The following MUSK variants were observed in gnomAD, a reference collection of about 807,000 sequenced individuals.
The protein encoded by MUSK is muscle associated receptor tyrosine kinase.
MUSK carries 55 observed loss-of-function variants against 88.7 expected under a neutral mutation model. That is an observed-to-expected ratio of 0.62 (90% CI 0.50 to 0.78). The LOEUF (loss-of-function observed/expected upper bound fraction) is 0.78, where lower values mean the gene tolerates loss of function less well. Ranked by LOEUF, MUSK falls within the 30% of genes least tolerant of loss-of-function variation. The probability of loss-of-function intolerance (pLI) is 0.00; values close to 1 mark genes in which losing one functional copy is unlikely to be tolerated. For synonymous variants in MUSK, 387 were observed against 391.9 expected (o/e 0.99, Z 0.15); for missense variants, 1,015 against 1,074.3 (o/e 0.94, Z 0.77).
chr9:110,724,582 A>T (rs569440557), intron 5 of MUSK, among the ~76,000 whole-genome samples: 1 of 152,018 alleles, frequency 6.6e-6, no homozygotes, highest in African/African-American at 2.4e-5. Flanking sequence ...CATATAGTAC[A>T]CTTCTAGAGA....
intron 11 of MUSK, among the ~76,000 whole-genome samples, chr9:110,781,350 C>T (rs1014314810): frequency 1.3e-5 from 2 of 152,126 alleles, no homozygotes; most frequent in African/African-American, 2.4e-5. Context: ...AATCTTGGTT[C>T]ACTGCAAGCT....
At chr9:110,686,004 C>T (rs2076191164) in intron 2 of MUSK, among the ~76,000 whole-genome samples, 1 of 152,128 alleles carries the variant, frequency 6.6e-6, no homozygotes, top group East Asian at 1.9e-4. Flanking sequence ...TTACCACAAA[C>T]TTAGTGGCCT....
chr9:110,755,222 C>G (rs180893396), intron 7 of MUSK, among the ~76,000 whole-genome samples: 2 of 152,286 alleles, frequency 1.3e-5, no homozygotes, highest in Admixed American at 6.5e-5. Context: ...CAGCTTTTCT[C>G]ACTGCTAAAA....
rs575100726 is a variant in MUSK at position 110,787,568 on chromosome 9, C to G, written c.1779-122C>G. ...TTTGATTCTGTGGCTCTGGGAAAGG[C>G]TGCGTGAGACTTAACCAGCCTTTTA... On this transcript the variant is annotated intron_variant, in intron 13 of 14. Coordinates refer to ENST00000374448, the MANE Select transcript of MUSK (RefSeq NM_005592.4). The G allele has an allele frequency of 5.7e-6, 5 of 871,820 alleles. No homozygotes were observed. The African/African-American group carries it at 6.8e-5, about 12-fold the overall frequency. The allele number at this position is 871,820 out of a possible 1,614,324, so 54.0% of individuals were successfully genotyped here. A position where few individuals can be genotyped will look rare whatever the true frequency, so the allele number is the denominator to read the frequency against.
chr9:110,675,936 C>T (rs916376930), intron 1 of MUSK, among the ~76,000 whole-genome samples: 10 of 152,080 alleles, frequency 6.6e-5, no homozygotes, highest in South Asian at 2.1e-4. Context: ...CCACACTCCA[C>T]AAGCTTAATA....
intron 9 of MUSK, among the ~76,000 whole-genome samples, chr9:110,768,452 C>T (rs1055719777): frequency 6.6e-6 from 1 of 152,200 alleles, no homozygotes; most frequent in African/African-American, 2.4e-5. Flanking sequence ...GCCGAGATTG[C>T]ACCACTGCAC....
intron 7 of MUSK, among the ~76,000 whole-genome samples, chr9:110,759,504 A>G (rs762776138): frequency 3.9e-5 from 6 of 152,248 alleles, no homozygotes; most frequent in Non-Finnish European, 7.3e-5. Context: ...GCTTCTACAT[A>G]GCAAAAGAAA....
intron 5 of MUSK, chr9:110,728,427 G>T (rs952460208): frequency 2.2e-6 from 1 of 455,266 alleles, no homozygotes; most frequent in African/African-American, 2.0e-5. Context: ...TGTTAGGTAT[G>T]CTGTAGTTTA....
At chr9:110,749,673 T>C (rs1394735820) in intron 7 of MUSK, among the ~76,000 whole-genome samples, 1 of 152,164 alleles carries the variant, frequency 6.6e-6, no homozygotes, top group African/African-American at 2.4e-5. Context: ...AGGAGGCTCT[T>C]CCAGGTGTCT....
chr9:110,797,186 A>G (rs962059250), intron 14 of MUSK, among the ~76,000 whole-genome samples: 1 of 142,280 alleles, frequency 7.0e-6, no homozygotes, highest in East Asian at 2.0e-4. Context: ...AAAAAAAAAA[A>G]AAGAAGGCAT....
At chr9:110,732,649 T>C (rs1411609725) in intron 5 of MUSK, among the ~76,000 whole-genome samples, 1 of 152,094 alleles carries the variant, frequency 6.6e-6, no homozygotes, top group Non-Finnish European at 1.5e-5. Flanking sequence ...GATTGTTAAT[T>C]GGACCCCAGG....
At chr9:110,787,605 T>G in intron 13 of MUSK, 85 bp from the exon 14 acceptor site, 1 of 1,350,926 alleles carries the variant, frequency 7.4e-7, no homozygotes, top group Non-Finnish European at 1.0e-6. Flanking sequence ...ACAGGGGAGG[T>G]GGGAGGATAT....
intron 6 of MUSK, among the ~76,000 whole-genome samples, chr9:110,744,586 A>C (rs2077150212): frequency 6.6e-6 from 1 of 152,176 alleles, no homozygotes; most frequent in Non-Finnish European, 1.5e-5. Context: ...TTAGAAAAAA[A>C]AGTTTTATTG....
At chr9:110,699,488 A>G (rs549873108) in intron 5 of MUSK, among the ~76,000 whole-genome samples, 32 of 152,338 alleles carry the variant, frequency 2.1e-4, no homozygotes, top group African/African-American at 7.7e-4. Flanking sequence ...TAAAATTGTA[A>G]CAAATTTGCT....
intron 14 of MUSK, among the ~76,000 whole-genome samples, chr9:110,790,073 G>C (rs546703818): frequency 4.5e-4 from 68 of 152,260 alleles, no homozygotes; most frequent in African/African-American, 1.6e-3. Context: ...AACTAAAAAC[G>C]AGCAACCAAT....
Position 110,755,949 on chromosome 9 carries a change from T to C in MUSK, c.914-6253T>C, listed in dbSNP as rs1333718589. On this transcript the variant is annotated intron_variant, in intron 7 of 14. Coordinates refer to ENST00000374448, the MANE Select transcript of MUSK (RefSeq NM_005592.4). Reference sequence around the variant, plus strand: ...ATATATATACATATATATATATATATACACATATATATATACATATATATA... The same window carrying C: ...ATATATATACATATATATATATATACACACATATATATATACATATATATA... 5.2e-4 allele frequency among the ~76,000 whole-genome samples: 27 copies of C among 52,088 alleles called. 1 individual carries two copies. Among genetic ancestry groups the C allele is most frequent in the East Asian group, 4.2e-3 (3 of 706 alleles). The allele number at this position is 52,088 out of a possible 152,430, so 34.2% of individuals were successfully genotyped here.
chr9:110,755,933 C>CGTAT (rs1394411648), intron 7 of MUSK, among the ~76,000 whole-genome samples: 16 of 81,554 alleles, frequency 2.0e-4, no homozygotes, highest in African/African-American at 6.8e-4. Flanking sequence ...TATATATATA[C>CGTAT]ATATATATAT....
chr9:110,803,690 G>A lies in MUSK; in HGVS notation c.*2702G>A, dbSNP rs780827321. 6.6e-6 allele frequency among the ~76,000 whole-genome samples: 1 copy of A among 152,142 alleles called. No individual in the cohort carries two copies. Among genetic ancestry groups the A allele is most frequent in the African/African-American group, 2.4e-5 (1 of 41,422 alleles). On this transcript the variant is annotated 3_prime_UTR_variant, in exon 15 of 15. Coordinates refer to ENST00000374448, the MANE Select transcript of MUSK (RefSeq NM_005592.4). ...TTAAGTTAATCATAACATCTAATAG[G>A]TGACATGTTTATTTTTTCATGAGTT...
chr9:110,797,521 C>G (rs1444891505), intron 14 of MUSK, among the ~76,000 whole-genome samples: 1 of 151,932 alleles, frequency 6.6e-6, no homozygotes, highest in Admixed American at 6.6e-5. Context: ...ATTTAGTGGT[C>G]AGGATATTGG....
Sources: gnomAD v4.1 joint callset for allele counts (sites outside exome capture counted in the v4.1 genomes callset) on GRCh38, gnomAD v4.1.1 for gene constraint, MANE v1.5 for transcripts, NCBI Gene and HGNC (gene_info 2026-07-23, HGNC 2026-07-21) for gene names.